The following TRHDE variants were observed in gnomAD, a reference collection of about 807,000 sequenced individuals.
TRHDE encodes the protein thyrotropin releasing hormone degrading enzyme.
In TRHDE, 72 loss-of-function variants were observed where a neutral mutation model predicts 125.7. The observed-to-expected ratio is 0.57, with a 90% CI of 0.47 to 0.70. TRHDE has a LOEUF of 0.70. TRHDE is among the 30% of genes least tolerant of loss of function. TRHDE has a pLI of 0.00. For synonymous variants in TRHDE, 509 were observed against 509.1 expected (o/e 1.00, Z 0.00); for missense variants, 1,110 against 1,327.1 (o/e 0.84, Z 2.54).
chr12:72,419,591 A>C (rs530326994), intron 3 of TRHDE, among the ~76,000 whole-genome samples: 94 of 152,244 alleles, frequency 6.2e-4, no homozygotes, highest in African/African-American at 2.2e-3. Context: ...TCACTATCTC[A>C]AGAACAGAAC....
At chr12:72,132,790 AG>A in intron 2 of TRHDE, among the ~76,000 whole-genome samples, 1 of 152,342 alleles carries the variant, frequency 6.6e-6, no homozygotes, top group African/African-American at 2.4e-5. Context: ...ATTATCTTTC[AG>A]GACAGACTGA....
intron 6 of TRHDE, among the ~76,000 whole-genome samples, chr12:72,510,919 G>T (rs1339475869): frequency 6.6e-6 from 1 of 152,140 alleles, no homozygotes; most frequent in East Asian, 1.9e-4. Context: ...AGGATAGAGG[G>T]CTAAGAGGTG....
intron 3 of TRHDE, among the ~76,000 whole-genome samples, chr12:72,460,750 A>G (rs557005548): frequency 6.9e-4 from 105 of 152,268 alleles, no homozygotes; most frequent in African/African-American, 2.2e-3. Context: ...ATACCTAGTC[A>G]TGTTTCTTAA....
At chr12:72,616,669 C>T (rs1872827701) in intron 12 of TRHDE, among the ~76,000 whole-genome samples, 2 of 151,946 alleles carry the variant, frequency 1.3e-5, no homozygotes, top group African/African-American at 4.8e-5. Flanking sequence ...GCTATCATGT[C>T]CAAATTTATG....
chr12:72,589,168 A>C (rs1871566264), intron 12 of TRHDE, among the ~76,000 whole-genome samples: 1 of 152,206 alleles, frequency 6.6e-6, no homozygotes, highest in Admixed American at 6.5e-5. Flanking sequence ...ACAGAGGTTC[A>C]CATATCATAG....
chr12:72,495,686 T>C (rs1376177570), intron 5 of TRHDE, among the ~76,000 whole-genome samples: 1 of 152,146 alleles, frequency 6.6e-6, no homozygotes, highest in Non-Finnish European at 1.5e-5. Context: ...ATTCCTCAAA[T>C]GCTGCACAAT....
At chr12:72,521,240 T>A (rs374244716) in intron 6 of TRHDE, among the ~76,000 whole-genome samples, 72 of 152,354 alleles carry the variant, frequency 4.7e-4, no homozygotes, top group African/African-American at 1.7e-3. Flanking sequence ...AGTCTCATGA[T>A]TTCATAATTC....
Position 72,611,775 on chromosome 12 carries a change from C to T in TRHDE, c.2322-7116C>T, listed in dbSNP as rs147829811. The stretch of plus-strand genomic sequence containing the variant: ...ACTTTAACTTCTTATGATGGTCATG[C>T]CAGTAAGAGATAAAAAGGAGAGAAA... On this transcript the variant is annotated intron_variant, in intron 12 of 18. Coordinates refer to ENST00000261180, the MANE Select transcript of TRHDE (RefSeq NM_013381.3). Among the ~76,000 whole-genome samples the T allele has an allele frequency of 9.2e-5, 14 of 152,134 alleles. No individual in the cohort carries two copies. The East Asian group carries it at 2.7e-3, about 29-fold the overall frequency.
intron 2 of TRHDE, among the ~76,000 whole-genome samples, chr12:72,302,330 G>C (rs1346861531): frequency 6.6e-6 from 1 of 151,684 alleles, no homozygotes. Flanking sequence ...TTAAAGGTGG[G>C]GTGGAGGAAA....
At chr12:72,632,190 T>C (rs1873525707) in intron 15 of TRHDE, among the ~76,000 whole-genome samples, 1 of 151,990 alleles carries the variant, frequency 6.6e-6, no homozygotes, top group African/African-American at 2.4e-5. Flanking sequence ...GTTTCATTCT[T>C]ATAATTTATC....
chr12:72,403,236 A>G (rs1373495312), intron 3 of TRHDE, among the ~76,000 whole-genome samples: 1 of 152,222 alleles, frequency 6.6e-6, no homozygotes, highest in Non-Finnish European at 1.5e-5. Flanking sequence ...TTGTGAGAGC[A>G]CAAAGGAGGG....
chr12:72,435,246 TC>T (rs1325769468), intron 3 of TRHDE, among the ~76,000 whole-genome samples: 2 of 152,214 alleles, frequency 1.3e-5, no homozygotes, highest in Non-Finnish European at 2.9e-5. Flanking sequence ...CTATACCTGG[TC>T]CCCAGATGAA....
chr12:72,216,594 C>A (rs1228352297), intron 2 of TRHDE, among the ~76,000 whole-genome samples: 2 of 152,024 alleles, frequency 1.3e-5, no homozygotes, highest in Non-Finnish European at 2.9e-5. Flanking sequence ...AAAATATGCA[C>A]CTTAAAGAGA....
At chr12:72,632,379 T>C (rs1291491261) in intron 15 of TRHDE, among the ~76,000 whole-genome samples, 1 of 151,852 alleles carries the variant, frequency 6.6e-6, no homozygotes, top group Non-Finnish European at 1.5e-5. Flanking sequence ...ATGGAGCAGA[T>C]GAGTTGAAAA....
At chr12:72,343,516 C>T (rs1190286204) in intron 2 of TRHDE, among the ~76,000 whole-genome samples, 1 of 151,996 alleles carries the variant, frequency 6.6e-6, no homozygotes, top group African/African-American at 2.4e-5. Context: ...TACTATAGTC[C>T]ATAACACTCC....
intron 15 of TRHDE, among the ~76,000 whole-genome samples, chr12:72,640,759 G>T (rs938375306): frequency 6.6e-5 from 10 of 152,110 alleles, no homozygotes; most frequent in African/African-American, 2.2e-4. Context: ...TCCAGATTTG[G>T]AATATTTTCA....
chr12:72,293,089 T>C lies in TRHDE; in HGVS notation c.1188+6135T>C, dbSNP rs75914934. Among the ~76,000 whole-genome samples, 205 of 152,288 alleles carry C rather than the reference T, an allele frequency of 1.3e-3. 4 individuals carry two copies. In the East Asian group the frequency reaches 0.014, roughly 10 times the overall value. On this transcript the variant is annotated intron_variant, in intron 2 of 18. Transcript: ENST00000261180. Reference sequence around the variant, plus strand: ...ATTTTATTTGATGTTGTGTGTTTTATGGAACCTCAGCTGGGGCTGTCATCT... The same window carrying C: ...ATTTTATTTGATGTTGTGTGTTTTACGGAACCTCAGCTGGGGCTGTCATCT...
chr12:72,517,579 T>G (rs1353327883), intron 6 of TRHDE, among the ~76,000 whole-genome samples: 3 of 152,298 alleles, frequency 2.0e-5, no homozygotes, highest in African/African-American at 7.2e-5. Context: ...GTTTTGTTGA[T>G]CCTTTCAAAA....
chr12:72,515,989 C>T (rs1878837481), intron 6 of TRHDE, among the ~76,000 whole-genome samples: 1 of 145,546 alleles, frequency 6.9e-6, no homozygotes, highest in Non-Finnish European at 1.5e-5. Context: ...CTGTTCTGTT[C>T]CATTGATCTA....
Sources: allele counts gnomAD v4.1 joint callset (sites outside exome capture counted in the v4.1 genomes callset), GRCh38; gene constraint gnomAD v4.1.1; transcripts MANE v1.5; gene names NCBI Gene and HGNC (gene_info 2026-07-23, HGNC 2026-07-21).